ANXA5: variants seen among roughly 807,000 people sequenced by gnomAD.
The protein encoded by ANXA5 is annexin A5.
ANXA5 carries 40 observed loss-of-function variants against 48.1 expected under a neutral mutation model. The ratio of observed to expected loss-of-function variants is 0.83; its 90% CI spans 0.65 to 1.08. The LOEUF is 1.08. Ranked by LOEUF, ANXA5 falls within the 50% of genes least tolerant of loss-of-function variation. The probability of loss-of-function intolerance (pLI) is 0.00; values close to 1 mark genes in which losing one functional copy is unlikely to be tolerated. For synonymous variants in ANXA5, 113 were observed against 129.1 expected, an observed-to-expected ratio of 0.88 and a Z score of 0.85; for missense variants, 357 against 376.8, an observed-to-expected ratio of 0.95 and a Z score of 0.44.
chr4:121,681,749 T>C lies in ANXA5; in HGVS notation c.316A>G (p.Asn106Asp), dbSNP rs1224626226. The C allele has an allele frequency of 6.2e-7, 1 of 1,611,514 alleles. No homozygotes were observed. The change falls in exon 6 of 13, where the codon AAT (asparagine) becomes GAT (aspartate). Residue 106 changes from asparagine (N) to aspartate (D), a missense_variant. Physicochemically the swap from Asn to Asp is conservative, Grantham distance 23. Coordinates refer to ENST00000296511, the MANE Select transcript of ANXA5 (RefSeq NM_001154.4). ...LKHALKGAGTNEKVLTEIIAS... is the reference protein window; with the variant it reads ...LKHALKGAGTDEKVLTEIIAS... Reference sequence around the variant, plus strand: ...ATAATTTCTGTCAGTACTTTTTCATTTGTTCCAGCTCCCTGTTTGGAGATT... The same window carrying C: ...ATAATTTCTGTCAGTACTTTTTCATCTGTTCCAGCTCCCTGTTTGGAGATT...
chr4:121,671,487 A>G (rs1724611409), intron 10 of ANXA5, 60 bp downstream of exon 10: 1 of 1,266,774 alleles, frequency 7.9e-7, no homozygotes, highest in Non-Finnish European at 1.2e-6. Flanking sequence ...TGCAGCCTCA[A>G]TTGAATAAAA....
Position 121,685,383 on chromosome 4 carries a change from A to G in ANXA5, c.95-612T>C, listed in dbSNP as rs368509309. ...AGGAGGTGGAAGGGAATCTTGGAGAATGATTCATGGAGAAGGTGACACCCA... is the reference window on the plus strand; with the variant it reads ...AGGAGGTGGAAGGGAATCTTGGAGAGTGATTCATGGAGAAGGTGACACCCA... On this transcript the variant is annotated intron_variant, in intron 3 of 12. Transcript: ENST00000296511. 1.6e-3 allele frequency among the ~76,000 whole-genome samples: 248 copies of G among 152,304 alleles called. 1 individual carries two copies. Among genetic ancestry groups the G allele is most frequent in the Middle Eastern group, 6.8e-3 (2 of 294 alleles).
chr4:121,675,704 A>G (rs1724685436), intron 8 of ANXA5, among the ~76,000 whole-genome samples: 1 of 152,222 alleles, frequency 6.6e-6, no homozygotes, highest in African/African-American at 2.4e-5. Flanking sequence ...AGTGTCACCT[A>G]TACAGCCTCA....
At chr4:121,691,269 TG>T (rs1459274229) in intron 2 of ANXA5, among the ~76,000 whole-genome samples, 3 of 152,106 alleles carry the variant, frequency 2.0e-5, no homozygotes, top group Admixed American at 2.0e-4. Flanking sequence ...ATAATTTTGT[TG>T]GCTTTTTTTT....
In ANXA5 at chr4:121,678,276, T is replaced by A. The variant is rs866129136; in HGVS notation, c.474+139A>T. ...GAAACACAAACAAGCACAGGCAACA[T>A]ACAGTCAGAATCATCGCAGTAAGAA... On this transcript the variant is annotated intron_variant, in intron 7 of 12. Transcript: ENST00000296511. The A allele has an allele frequency of 1.3e-4, 89 of 700,894 alleles. No individual in the cohort carries two copies. The Middle Eastern group carries it at 2.2e-3, about 17-fold the overall frequency. The allele number at this position is 700,894 out of a possible 1,614,324, so 43.4% of individuals were successfully genotyped here. A position where few individuals can be genotyped will look rare whatever the true frequency, so the allele number is the denominator to read the frequency against.
intron 8 of ANXA5, among the ~76,000 whole-genome samples, chr4:121,676,486 T>C (rs1280979083): frequency 2.6e-5 from 4 of 152,194 alleles, no homozygotes; most frequent in Non-Finnish European, 5.9e-5. Flanking sequence ...TGTTTCTTTA[T>C]CCATAAAAGG....
At chr4:121,686,251 T>C in intron 3 of ANXA5, 37 bp downstream of exon 3, 1 of 1,476,884 alleles carries the variant, frequency 6.8e-7, no homozygotes, top group South Asian at 1.2e-5. Context: ...GAAAAACAAA[T>C]ATCACATTTG....
At chr4:121,695,119 T>G (rs1030047993) in intron 2 of ANXA5, among the ~76,000 whole-genome samples, 9 of 152,234 alleles carry the variant, frequency 5.9e-5, no homozygotes, top group Admixed American at 5.2e-4. Flanking sequence ...GCTTGTTAAA[T>G]CTTCATGTAC....
chr4:121,694,282 A>G (rs1042594810), intron 2 of ANXA5, among the ~76,000 whole-genome samples: 1 of 102,334 alleles, frequency 9.8e-6, no homozygotes, highest in Non-Finnish European at 2.0e-5. Context: ...TAAATAAAAA[A>G]TAAACAAAAA....
intron 2 of ANXA5, among the ~76,000 whole-genome samples, chr4:121,688,430 G>A (rs1363270656): frequency 6.6e-6 from 1 of 151,852 alleles, no homozygotes; most frequent in Non-Finnish European, 1.5e-5. Flanking sequence ...TCCATGCACT[G>A]ACCTCACTCT....
At chr4:121,687,277 G>A (rs947665417) in intron 2 of ANXA5, among the ~76,000 whole-genome samples, 1 of 148,998 alleles carries the variant, frequency 6.7e-6, no homozygotes, top group Non-Finnish European at 1.5e-5. Context: ...TCCAGCCAAG[G>A]TGACAGAGCG....
intron 11 of ANXA5, 40 bp downstream of exon 11, chr4:121,669,914 G>C (rs1018101783): frequency 8.6e-6 from 13 of 1,503,118 alleles, no homozygotes; most frequent in Non-Finnish European, 1.2e-5. Flanking sequence ...TAATTAGAAA[G>C]AGAAATGTAT....
rs113588187 is a variant in ANXA5 at position 121,696,962 on chromosome 4, C to G, written c.-135G>C. On this transcript the variant is annotated 5_prime_UTR_variant, in exon 1 of 13. Coordinates refer to ENST00000296511, the MANE Select transcript of ANXA5 (RefSeq NM_001154.4). ...GCCGAGATGCAGACGCTGAAGGATCCGGCAGCTGCACCTAGACTGATCCAA... is the reference window on the plus strand; with the variant it reads ...GCCGAGATGCAGACGCTGAAGGATCGGGCAGCTGCACCTAGACTGATCCAA... 1 of 180,632 alleles carries G rather than the reference C, an allele frequency of 5.5e-6. No homozygotes were observed. Among genetic ancestry groups the G allele is most frequent in the African/African-American group, 2.4e-5 (1 of 42,412 alleles). 11.2% of individuals were successfully genotyped at this position (180,632 alleles called of 1,614,324 possible). A position where few individuals can be genotyped will look rare whatever the true frequency, so the allele number is the denominator to read the frequency against.
intron 2 of ANXA5, among the ~76,000 whole-genome samples, chr4:121,693,846 G>A (rs1327132789): frequency 6.6e-6 from 1 of 151,890 alleles, no homozygotes; most frequent in African/African-American, 2.4e-5. Context: ...AAAAATGAAT[G>A]GCATGAAAAG....
chr4:121,683,596 G>A, intron 4 of ANXA5, 119 bp from the exon 5 acceptor site: 1 of 583,478 alleles, frequency 1.7e-6, no homozygotes, highest in Non-Finnish European at 3.0e-6. Context: ...CCAAGTAGAA[G>A]GCCCATGAGC....
chr4:121,674,748 T>G (rs1724670301), intron 8 of ANXA5, among the ~76,000 whole-genome samples: 1 of 152,230 alleles, frequency 6.6e-6, no homozygotes, highest in Non-Finnish European at 1.5e-5. Flanking sequence ...TTAACAGTTT[T>G]GTTTTAATCT....
intron 10 of ANXA5, 35 bp from the exon 11 acceptor site, chr4:121,670,047 T>G: frequency 6.9e-7 from 1 of 1,441,984 alleles, no homozygotes; most frequent in Non-Finnish European, 9.6e-7. Context: ...TCAAATGCTA[T>G]TTTGATATGT....
At chr4:121,693,504 T>C (rs1476533491) in intron 2 of ANXA5, among the ~76,000 whole-genome samples, 1 of 152,190 alleles carries the variant, frequency 6.6e-6, no homozygotes, top group Admixed American at 6.5e-5. Flanking sequence ...CACTGTTATA[T>C]TTTTACCATT....
chr4:121,669,487 T>G, intron 12 of ANXA5, 115 bp downstream of exon 12: 1 of 1,279,342 alleles, frequency 7.8e-7, no homozygotes, highest in Non-Finnish European at 1.1e-6. Context: ...GCTCTAATCG[T>G]GTCACTAAAA....
Sources: gnomAD v4.1 joint callset for allele counts (sites outside exome capture counted in the v4.1 genomes callset) on GRCh38, gnomAD v4.1.1 for gene constraint, MANE v1.5 for transcripts, NCBI Gene and HGNC (gene_info 2026-07-23, HGNC 2026-07-21) for gene names.